The following FREM3 variants were observed in gnomAD, a reference collection of about 807,000 sequenced individuals.
The protein encoded by FREM3 is FRAS1-related extracellular matrix protein 3.
FREM3 carries 105 observed loss-of-function variants against 129.1 expected under a neutral mutation model. That is an observed-to-expected ratio of 0.81 (90% CI 0.69 to 0.96). The LOEUF is 0.96. FREM3 is among the 40% of genes least tolerant of loss of function. The pLI is 0.00. For synonymous variants in FREM3, 1,014 were observed against 1,044.9 expected (o/e 0.97, Z 0.57); for missense variants, 2,593 against 2,666.3 (o/e 0.97, Z 0.61).
At chr4:143,661,379 G>T (rs1175430906) in intron 2 of FREM3, among the ~76,000 whole-genome samples, 1 of 151,788 alleles carries the variant, frequency 6.6e-6, no homozygotes, top group Non-Finnish European at 1.5e-5. Context: ...CTGTTTATAT[G>T]CTGGATTACA....
At chr4:143,641,492 G>A (rs1419413545) in intron 2 of FREM3, among the ~76,000 whole-genome samples, 2 of 152,180 alleles carry the variant, frequency 1.3e-5, no homozygotes, top group Non-Finnish European at 2.9e-5. Flanking sequence ...TCTTTTTGAG[G>A]TTTAATAAAA....
chr4:143,697,324 G>C lies in FREM3; in HGVS notation c.3352C>G (p.Leu1118Val), dbSNP rs542518402. The C allele has an allele frequency of 6.5e-7, 1 of 1,537,152 alleles. No individual in the cohort carries two copies. Among genetic ancestry groups the C allele is most frequent in the Non-Finnish European group, 8.7e-7 (1 of 1,146,822 alleles). ...CCAGGAGCTGATGCAATCTTTTCCA[G>C]GTAGCCAGAGGCTGGCTGACTAGTC... The part of the protein sequence containing the change: ...TVTSQPASGY[L>V]EKIASAPGSK... Residue 1118 changes from leucine (L) to valine (V), a missense_variant, in exon 1 of 8, where the codon CTG becomes GTG. Transcript: ENST00000329798.
chr4:143,661,817 G>T (rs1739730384), intron 2 of FREM3, among the ~76,000 whole-genome samples: 1 of 152,170 alleles, frequency 6.6e-6, no homozygotes, highest in East Asian at 1.9e-4. Context: ...TTTAGTCTTG[G>T]GAGGGTGTAT....
intron 2 of FREM3, among the ~76,000 whole-genome samples, chr4:143,682,533 C>G (rs2149859611): frequency 6.6e-6 from 1 of 152,306 alleles, no homozygotes; most frequent in Non-Finnish European, 1.5e-5. Context: ...TGAGCCACTG[C>G]TTGGGTCTGC....
rs1455004044 is a variant in FREM3 at position 143,699,411 on chromosome 4, A to C, written c.1265T>G (p.Met422Arg). The stretch of plus-strand genomic sequence containing the variant: ...AGTATTCATGGATTTCACTGTCACC[A>C]TGAAGGCAAAGGGGTCTGAGGCGGC... ...DGAASDPFAF[M>R]VTVKSMNTLV... The change falls in exon 1 of 8, where the codon ATG becomes AGG. Residue 422 changes from methionine to arginine, a missense_variant. By Grantham distance (91) the Met-to-Arg change is moderately conservative (BLOSUM62 -1). Transcript: ENST00000329798. The surrounding 1 kb of genome is among the most constrained non-coding windows in gnomAD (Gnocchi z 4.2). 1 of 1,537,314 alleles carries C rather than the reference A, an allele frequency of 6.5e-7. No homozygotes were observed. Among genetic ancestry groups the C allele is most frequent in the South Asian group, 1.2e-5 (1 of 84,066 alleles).
At chr4:143,683,455 C>A (rs894365856) in intron 2 of FREM3, among the ~76,000 whole-genome samples, 5 of 152,210 alleles carry the variant, frequency 3.3e-5, no homozygotes, top group Non-Finnish European at 1.5e-5. Context: ...ACTTTACCTG[C>A]AGCTGAGTCA....
intron 2 of FREM3, among the ~76,000 whole-genome samples, chr4:143,652,946 A>C (rs1447070462): frequency 6.6e-6 from 1 of 152,166 alleles, no homozygotes; most frequent in East Asian, 1.9e-4. Context: ...GCCTTCTCTT[A>C]ACAGTGACAT....
intron 2 of FREM3, among the ~76,000 whole-genome samples, chr4:143,669,195 G>T (rs1202757862): frequency 6.6e-6 from 1 of 152,176 alleles, no homozygotes; most frequent in Admixed American, 6.5e-5. Context: ...AGACTGAGAG[G>T]CCTGTGAACC....
intron 6 of FREM3, among the ~76,000 whole-genome samples, chr4:143,606,936 A>C (rs1471887789): frequency 6.6e-6 from 1 of 152,080 alleles, no homozygotes; most frequent in East Asian, 1.9e-4. Flanking sequence ...TTACCAGAAA[A>C]ATTTTCTTAA....
At chr4:143,677,736 A>T (rs1241291381) in intron 2 of FREM3, among the ~76,000 whole-genome samples, 1 of 152,218 alleles carries the variant, frequency 6.6e-6, no homozygotes, top group Non-Finnish European at 1.5e-5. Flanking sequence ...GAAGGACATG[A>T]ACAGACACTT....
intron 7 of FREM3, among the ~76,000 whole-genome samples, chr4:143,579,386 G>A (rs1298332486): frequency 1.3e-5 from 2 of 152,190 alleles, no homozygotes; most frequent in Non-Finnish European, 2.9e-5. Flanking sequence ...CTGGGAAGCA[G>A]ATATTTCAGT....
intron 5 of FREM3, among the ~76,000 whole-genome samples, chr4:143,615,251 TAGTC>T (rs1349496508): frequency 6.6e-6 from 1 of 152,254 alleles, no homozygotes; most frequent in Admixed American, 6.5e-5. Flanking sequence ...CATCTCCTGA[TAGTC>T]AGCCTGGGGC....
At chr4:143,664,023 C>T (rs1019444029) in intron 2 of FREM3, among the ~76,000 whole-genome samples, 7 of 152,098 alleles carry the variant, frequency 4.6e-5, no homozygotes, top group African/African-American at 1.4e-4. Context: ...CTTTGCCTTC[C>T]GTTTGAATTT....
intron 6 of FREM3, among the ~76,000 whole-genome samples, chr4:143,604,635 C>T (rs1738634763): frequency 6.6e-6 from 1 of 152,082 alleles, no homozygotes; most frequent in African/African-American, 2.4e-5. Flanking sequence ...ACAATCAAAA[C>T]ACTTAGGAAG....
intron 2 of FREM3, among the ~76,000 whole-genome samples, chr4:143,671,841 T>C (rs1739999446): frequency 6.6e-6 from 1 of 152,230 alleles, no homozygotes; most frequent in Admixed American, 6.5e-5. Flanking sequence ...TGTAAAAGTA[T>C]GGGCAAGTCT....
chr4:143,669,591 T>C (rs1739928953), intron 2 of FREM3, among the ~76,000 whole-genome samples: 1 of 151,758 alleles, frequency 6.6e-6, no homozygotes, highest in African/African-American at 2.4e-5. Context: ...CCCTAACTCT[T>C]CATTCAATTT....
intron 5 of FREM3, among the ~76,000 whole-genome samples, chr4:143,619,876 A>T (rs561296304): frequency 8.0e-5 from 12 of 149,194 alleles, no homozygotes; most frequent in Admixed American, 2.0e-4. Context: ...GGTATTATTT[A>T]AAAAAAAAAC....
intron 2 of FREM3, among the ~76,000 whole-genome samples, chr4:143,631,277 T>C (rs918242577): frequency 6.6e-6 from 1 of 152,186 alleles, no homozygotes; most frequent in African/African-American, 2.4e-5. Flanking sequence ...CATTGCAATT[T>C]CCAGTTTACT....
intron 6 of FREM3, among the ~76,000 whole-genome samples, chr4:143,599,468 G>T (rs971745028): frequency 5.3e-5 from 8 of 152,102 alleles, no homozygotes; most frequent in Admixed American, 6.6e-5. Context: ...GACCTTTGAG[G>T]TTCCTTCTGG....
Sources: allele counts gnomAD v4.1 joint callset (sites outside exome capture counted in the v4.1 genomes callset), GRCh38; gene constraint gnomAD v4.1.1; non-coding constraint Gnocchi (gnomAD v3.1); transcripts MANE v1.5; gene names NCBI Gene and HGNC (gene_info 2026-07-23, HGNC 2026-07-21).